The following RASA3 variants were observed in gnomAD, a reference collection of about 807,000 sequenced individuals.
RASA3 encodes the protein ras GTPase-activating protein 3.
A neutral mutation model predicts 110.0 loss-of-function variants in RASA3; 73 were observed. The ratio of observed to expected loss-of-function variants is 0.66; its 90% CI spans 0.55 to 0.81. RASA3 has a LOEUF of 0.81. RASA3 is among the 30% of genes least tolerant of loss of function. RASA3 has a pLI of 0.00. For missense variants in RASA3, 976 were observed against 1,113.2 expected (o/e 0.88, Z 1.75); for synonymous variants, 500 against 451.4 (o/e 1.11, Z -1.37).
Position 114,017,367 on chromosome 13 carries a change from G to GTCCC in RASA3, c.1092-17_1092-16insGGGA. The GTCCC allele has an allele frequency of 6.2e-7, 1 of 1,602,104 alleles. No homozygotes were observed. Among genetic ancestry groups the GTCCC allele is most frequent in the Non-Finnish European group, 8.5e-7 (1 of 1,169,614 alleles). ...GTTGGGGTCCCTGGGAAATGGCGAT[G>GTCCC]GGGACAGCGTTTGTCTCCTGGGGAC... On this transcript the variant is annotated splice_polypyrimidine_tract_variant and intron_variant, in intron 11 of 23. Coordinates refer to ENST00000334062, the MANE Select transcript of RASA3 (RefSeq NM_007368.4).
chr13:113,980,200 ACCT>A (rs1185126198), intron 23 of RASA3, among the ~76,000 whole-genome samples: 6 of 93,780 alleles, frequency 6.4e-5, no homozygotes, highest in African/African-American at 1.3e-4. Flanking sequence ...TGTGTGCACC[ACCT>A]CCTCCCATGT....
intron 2 of RASA3, among the ~76,000 whole-genome samples, chr13:114,053,591 C>G (rs2079190136): frequency 6.6e-6 from 1 of 152,234 alleles, no homozygotes; most frequent in Non-Finnish European, 1.5e-5. Context: ...ACCAACGGCA[C>G]AGGCCCCACC....
chr13:114,129,617 G>A (rs2080492696), intron 1 of RASA3, among the ~76,000 whole-genome samples: 1 of 152,144 alleles, frequency 6.6e-6, no homozygotes. Context: ...TTTTTTCTTA[G>A]TAAGAGTAGT....
chr13:114,090,562 G>T (rs75492529), intron 1 of RASA3, among the ~76,000 whole-genome samples: 2 of 152,166 alleles, frequency 1.3e-5, no homozygotes, highest in African/African-American at 4.8e-5. Context: ...CGACCAGGCA[G>T]GCTTGCCCCC....
At chr13:114,042,862 G>A (rs2054442965) in intron 3 of RASA3, among the ~76,000 whole-genome samples, 1 of 152,200 alleles carries the variant, frequency 6.6e-6, no homozygotes, top group Admixed American at 6.5e-5. Flanking sequence ...CGGTCCTGCG[G>A]TGACCCTGGA....
chr13:114,016,122 G>C, intron 13 of RASA3, 75 bp downstream of exon 13: 6 of 1,365,972 alleles, frequency 4.4e-6, no homozygotes, highest in Non-Finnish European at 6.3e-6. Context: ...GGGTGAGTCA[G>C]AGCTTCCAGG....
chr13:114,079,727 T>C (rs954054176), intron 1 of RASA3, among the ~76,000 whole-genome samples: 13 of 152,230 alleles, frequency 8.5e-5, no homozygotes, highest in African/African-American at 3.1e-4. Flanking sequence ...CTCCGGGCTC[T>C]GAGCTGCTGA....
In RASA3 at chr13:113,992,305, G is replaced by C. The variant is rs534706021; in HGVS notation, c.2245+180C>G. Among the ~76,000 whole-genome samples the C allele has an allele frequency of 6.6e-5, 10 of 152,348 alleles. No homozygotes were observed. In the East Asian group the frequency reaches 1.7e-3, roughly 26 times the overall value. ...CTATTATACAGGTAATTGTCCCCCA[G>C]ATAGCTGCCTACCCTGCAAAAAGCT... On this transcript the variant is annotated intron_variant, in intron 22 of 23. Coordinates refer to ENST00000334062, the MANE Select transcript of RASA3 (RefSeq NM_007368.4).
intron 1 of RASA3, among the ~76,000 whole-genome samples, chr13:114,118,865 TACC>T (rs2139782659): frequency 6.6e-6 from 1 of 152,352 alleles, no homozygotes; most frequent in East Asian, 1.9e-4. Context: ...CCAGTGCAGC[TACC>T]CAGAGGGAAG....
chr13:114,069,553 C>CT (rs2079522487), intron 2 of RASA3, among the ~76,000 whole-genome samples: 1 of 20,220 alleles, frequency 4.9e-5, no homozygotes, highest in African/African-American at 2.6e-4. Context: ...GGTCGGGAGA[C>CT]TCGGGGGTTG....
At chr13:113,990,511 C>T (rs1238069980) in intron 22 of RASA3, among the ~76,000 whole-genome samples, 1 of 152,218 alleles carries the variant, frequency 6.6e-6, no homozygotes, top group Non-Finnish European at 1.5e-5. Flanking sequence ...CTGACTCTGG[C>T]CTCTGCTGTG....
At chr13:114,102,644 G>A (rs1195951281) in intron 1 of RASA3, among the ~76,000 whole-genome samples, 2 of 152,202 alleles carry the variant, frequency 1.3e-5, no homozygotes, top group Non-Finnish European at 2.9e-5. Flanking sequence ...CATGGCCGGT[G>A]GCAGGGGCAG....
chr13:114,103,188 C>A (rs528112124), intron 1 of RASA3, among the ~76,000 whole-genome samples: 1 of 152,260 alleles, frequency 6.6e-6, no homozygotes, highest in South Asian at 2.1e-4. Context: ...CCTAGAGGGT[C>A]TCCCCCAAGT....
Position 114,014,465 on chromosome 13 carries a change from C to T in RASA3, c.1405+744G>A, listed in dbSNP as rs552492703. ...CGGCTCTGCAGGACCATGGCCACCCCGGGGTGTCTGCAGCTGTCCCGAGGC... is the reference window on the plus strand; with the variant it reads ...CGGCTCTGCAGGACCATGGCCACCCTGGGGTGTCTGCAGCTGTCCCGAGGC... On this transcript the variant is annotated intron_variant, in intron 14 of 23. Coordinates refer to ENST00000334062, the MANE Select transcript of RASA3 (RefSeq NM_007368.4). The surrounding 1 kb of genome is among the most constrained non-coding windows in gnomAD (Gnocchi z 4.5). 5.9e-5 allele frequency among the ~76,000 whole-genome samples: 9 copies of T among 152,236 alleles called. No individual in the cohort carries two copies. The highest frequency in any genetic ancestry group is 1.7e-4 in the African/African-American group (7 of 41,554).
In RASA3 at chr13:114,117,334, T is replaced by C. The variant is rs371999947; in HGVS notation, c.55+15101A>G. Among the ~76,000 whole-genome samples, 251 of 88,580 alleles carry C rather than the reference T, an allele frequency of 2.8e-3. 8 individuals carry two copies. Among genetic ancestry groups the C allele is most frequent in the Admixed American group, 0.027 (193 of 7,200 alleles). The allele number at this position is 88,580 out of a possible 152,430, so 58.1% of individuals were successfully genotyped here. On this transcript the variant is annotated intron_variant, in intron 1 of 23. Coordinates refer to ENST00000334062, the MANE Select transcript of RASA3 (RefSeq NM_007368.4). Reference sequence around the variant, plus strand: ...GGGGTGCACGTGTGTGACAGATGCATGTGTGTGAGGAGAGCACGTGTGTGA... The same window carrying C: ...GGGGTGCACGTGTGTGACAGATGCACGTGTGTGAGGAGAGCACGTGTGTGA...
At chr13:114,080,146 G>A (rs1178709934) in intron 1 of RASA3, among the ~76,000 whole-genome samples, 1 of 152,212 alleles carries the variant, frequency 6.6e-6, no homozygotes, top group Non-Finnish European at 1.5e-5. Flanking sequence ...GGCTTGGATG[G>A]AGCCAGGCCC....
In RASA3 at chr13:113,979,381, C is replaced by T. The variant is rs149782849; in HGVS notation, c.2471G>A (p.Arg824Gln). ...IGDKSFQNYI[R>Q]QQSETSTHSI ...ATGAGTGGAGGTCTCGGACTGCTGC[C>T]GGATGTAGTTCTGGAAGCTCTTGTC... The change falls in exon 24 of 24, where the codon CGG becomes CAG. Residue 824 changes from arginine to glutamine, a missense_variant. Arg to Gln is a conservative substitution (Grantham distance 43). This residue lies in a region of RASA3 where 132 missense variants were observed against 152.8 expected (regional missense o/e 0.86). Transcript: ENST00000334062. 2.0e-3 allele frequency: 3,184 copies of T among 1,607,430 alleles called. 7 individuals carry two copies. The highest frequency in any genetic ancestry group is 2.5e-3 in the Non-Finnish European group (2,939 of 1,174,590).
intron 3 of RASA3, among the ~76,000 whole-genome samples, chr13:114,050,640 A>G (rs2079129354): frequency 6.6e-6 from 1 of 152,242 alleles, no homozygotes; most frequent in African/African-American, 2.4e-5. Flanking sequence ...AGAGAGCAAG[A>G]CTGGTCAGGA....
At chr13:114,129,005 G>A (rs796485988) in intron 1 of RASA3, among the ~76,000 whole-genome samples, 31 of 152,260 alleles carry the variant, frequency 2.0e-4, no homozygotes, top group African/African-American at 7.0e-4. Flanking sequence ...AAGATAAGGC[G>A]CCACATTTAA....
Sources: gnomAD v4.1 joint callset for allele counts (sites outside exome capture counted in the v4.1 genomes callset) on GRCh38, gnomAD v4.1.1 for gene constraint, gnomAD v4.1.1 regional missense constraint, Gnocchi (gnomAD v3.1) non-coding constraint, MANE v1.5 for transcripts, NCBI Gene and HGNC (gene_info 2026-07-23, HGNC 2026-07-21) for gene names.